The following MYO3B variants were observed in gnomAD, a reference collection of about 807,000 sequenced individuals.
The protein encoded by MYO3B is myosin-IIIb.
Under a neutral mutation model 174.6 loss-of-function variants are expected in MYO3B, and 156 were observed. The observed-to-expected ratio is 0.89, with a 90% CI of 0.78 to 1.02. The LOEUF is 1.02. Among genes scored for constraint, MYO3B ranks in the 50% least tolerant of loss-of-function variants. The probability of loss-of-function intolerance (pLI) is 0.00; values close to 1 mark genes in which losing one functional copy is unlikely to be tolerated. For synonymous variants in MYO3B, 563 were observed against 569.1 expected (o/e 0.99, Z 0.15); for missense variants, 1,632 against 1,639.4 (o/e 1.00, Z 0.08).
At chr2:170,362,754 A>C (rs187841371) in intron 8 of MYO3B, among the ~76,000 whole-genome samples, 144 of 152,326 alleles carry the variant, frequency 9.5e-4, no homozygotes, top group African/African-American at 3.4e-3. Flanking sequence ...CAACAGCATC[A>C]AATGTGATAT....
chr2:170,338,026 G>A (rs1453958691), intron 8 of MYO3B: 2 of 152,076 alleles, frequency 1.3e-5, no homozygotes, highest in Non-Finnish European at 2.9e-5. Context: ...GTTGTTCAAG[G>A]GTCAACTATG....
At chr2:170,286,638 T>G (rs1278561317) in intron 7 of MYO3B, among the ~76,000 whole-genome samples, 2 of 152,164 alleles carry the variant, frequency 1.3e-5, no homozygotes, top group African/African-American at 4.8e-5. Context: ...CATAGAGTAA[T>G]TTAGGAAGAA....
intron 23 of MYO3B, among the ~76,000 whole-genome samples, chr2:170,448,118 T>C (rs1395939907): frequency 1.3e-5 from 2 of 152,178 alleles, no homozygotes; most frequent in African/African-American, 4.8e-5. Context: ...TTGTGGCTAA[T>C]TTGTTAGTCT....
intron 32 of MYO3B, among the ~76,000 whole-genome samples, chr2:170,556,341 T>C (rs1447708095): frequency 6.6e-6 from 1 of 152,208 alleles, no homozygotes; most frequent in African/African-American, 2.4e-5. Flanking sequence ...TTAATTCATT[T>C]GAGTTAATAC....
intron 32 of MYO3B, among the ~76,000 whole-genome samples, chr2:170,593,210 A>C (rs1466459012): frequency 6.6e-6 from 1 of 152,010 alleles, no homozygotes; most frequent in Non-Finnish European, 1.5e-5. Flanking sequence ...CGATCCCCCC[A>C]CCTCAGCATC....
intron 32 of MYO3B, among the ~76,000 whole-genome samples, chr2:170,617,359 G>T (rs1028444160): frequency 2.0e-5 from 3 of 152,152 alleles, no homozygotes; most frequent in African/African-American, 7.2e-5. Flanking sequence ...ATTGATTAAA[G>T]GATGAGTCAA....
chr2:170,558,480 A>G (rs966734807), intron 32 of MYO3B, among the ~76,000 whole-genome samples: 2 of 152,086 alleles, frequency 1.3e-5, no homozygotes, highest in African/African-American at 2.4e-5. Context: ...CCACCTAAAT[A>G]TGTGTCTCTA....
intron 22 of MYO3B, among the ~76,000 whole-genome samples, chr2:170,438,858 C>T (rs2094776980): frequency 6.6e-6 from 1 of 152,002 alleles, no homozygotes; most frequent in Admixed American, 6.6e-5. Flanking sequence ...TGGTCTCAAA[C>T]TCCTGATTTG....
intron 16 of MYO3B, among the ~76,000 whole-genome samples, chr2:170,393,762 A>G (rs1037979635): frequency 3.9e-5 from 6 of 152,102 alleles, no homozygotes; most frequent in Non-Finnish European, 7.4e-5. Flanking sequence ...CTGTCTAGCC[A>G]GCTGTTAATT....
intron 1 of MYO3B, among the ~76,000 whole-genome samples, chr2:170,182,492 C>T (rs1416624619): frequency 6.6e-6 from 1 of 152,062 alleles, no homozygotes; most frequent in Non-Finnish European, 1.5e-5. Context: ...CTTATTTCTA[C>T]CCCTGTGGCA....
At chr2:170,557,401 A>G (rs1691405250) in intron 32 of MYO3B, among the ~76,000 whole-genome samples, 1 of 152,144 alleles carries the variant, frequency 6.6e-6, no homozygotes, top group Non-Finnish European at 1.5e-5. Context: ...TGCCTCCCAA[A>G]GTGCTATTTA....
chr2:170,630,084 G>C (rs906953715), intron 32 of MYO3B, among the ~76,000 whole-genome samples: 1 of 152,198 alleles, frequency 6.6e-6, no homozygotes, highest in African/African-American at 2.4e-5. Flanking sequence ...CATGGAGGGC[G>C]AGCTGAAGCA....
chr2:170,577,783 C>T (rs1692876535), intron 32 of MYO3B, among the ~76,000 whole-genome samples: 1 of 152,156 alleles, frequency 6.6e-6, no homozygotes, highest in African/African-American at 2.4e-5. Flanking sequence ...TTCCCAAGTC[C>T]TGAGGAACTT....
At chr2:170,621,014 G>A (rs1285142302) in intron 32 of MYO3B, among the ~76,000 whole-genome samples, 4 of 151,590 alleles carry the variant, frequency 2.6e-5, no homozygotes, top group African/African-American at 9.7e-5. Context: ...TCAGCCTCCC[G>A]AGTAGCTGGG....
chr2:170,383,052 T>A (rs2094347192), intron 10 of MYO3B, 21 bp from the exon 11 acceptor site: 1 of 1,450,266 alleles, frequency 6.9e-7, no homozygotes, highest in Non-Finnish European at 9.7e-7. Context: ...TTTACCTCAA[T>A]ACCATTTATC....
intron 7 of MYO3B, among the ~76,000 whole-genome samples, chr2:170,315,342 C>T (rs776905126): frequency 6.6e-5 from 10 of 150,682 alleles, no homozygotes; most frequent in South Asian, 2.1e-4. Flanking sequence ...GAGGCAGTCT[C>T]GCTCTGTTGC....
intron 32 of MYO3B, among the ~76,000 whole-genome samples, chr2:170,564,033 C>T (rs1002702003): frequency 2.0e-5 from 3 of 152,328 alleles, no homozygotes; most frequent in South Asian, 2.1e-4. Context: ...ATCTGAGGCA[C>T]ATGTGCCCAG....
intron 30 of MYO3B, among the ~76,000 whole-genome samples, chr2:170,526,721 A>G (rs1473274077): frequency 6.6e-6 from 1 of 152,202 alleles, no homozygotes; most frequent in African/African-American, 2.4e-5. Context: ...AACCTTTTTG[A>G]AGGCAGAAAC....
At chr2:170,547,369 T>C (rs1187453594) in intron 32 of MYO3B, among the ~76,000 whole-genome samples, 1 of 150,678 alleles carries the variant, frequency 6.6e-6, no homozygotes, top group Non-Finnish European at 1.5e-5. Context: ...CTGGCCCATG[T>C]GGTCCGGCTT....
Sources: gnomAD v4.1 joint callset for allele counts (sites outside exome capture counted in the v4.1 genomes callset) on GRCh38, gnomAD v4.1.1 for gene constraint, MANE v1.5 for transcripts, NCBI Gene and HGNC (gene_info 2026-07-23, HGNC 2026-07-21) for gene names.